The following MEGF9 variants were observed in gnomAD, a reference collection of about 807,000 sequenced individuals.
MEGF9 encodes the protein multiple EGF like domains 9, also known as multiple epidermal growth factor-like domains protein 9.
MEGF9 carries 6 observed loss-of-function variants against 46.8 expected under a neutral mutation model. That is an observed-to-expected ratio of 0.13 (90% CI 0.07 to 0.25). The LOEUF (loss-of-function observed/expected upper bound fraction) is 0.25. MEGF9 is among the 10% of genes least tolerant of loss of function. The pLI is 1.00. For missense variants in MEGF9, 683 were observed against 792.4 expected (o/e 0.86, Z 1.66); for synonymous variants, 302 against 330.7 (o/e 0.91, Z 0.94).
At chr9:120,616,456 G>C (rs2043473093) in intron 3 of MEGF9, among the ~76,000 whole-genome samples, 1 of 151,960 alleles carries the variant, frequency 6.6e-6, no homozygotes, top group South Asian at 2.1e-4. Flanking sequence ...GAGGCGGTCG[G>C]ATCACGAGGT....
chr9:120,707,552 T>A (rs1278728018), intron 1 of MEGF9, among the ~76,000 whole-genome samples: 1 of 152,012 alleles, frequency 6.6e-6, no homozygotes, highest in Admixed American at 6.6e-5. Flanking sequence ...AACCCAGAGG[T>A]TTTAGATAAA....
At chr9:120,637,477 T>A (rs2043582972) in intron 2 of MEGF9, among the ~76,000 whole-genome samples, 1 of 149,564 alleles carries the variant, frequency 6.7e-6, no homozygotes, top group South Asian at 2.1e-4. Flanking sequence ...ATAAAGTATG[T>A]ATTCTGCTTT....
At chr9:120,673,653 TA>T (rs2043759877) in intron 1 of MEGF9, among the ~76,000 whole-genome samples, 3 of 151,550 alleles carry the variant, frequency 2.0e-5, no homozygotes, top group African/African-American at 7.3e-5. Flanking sequence ...AAACTTGACA[TA>T]AACCACACCT....
At chr9:120,704,333 C>CAAA (rs200388073) in intron 1 of MEGF9, among the ~76,000 whole-genome samples, 1 of 122,548 alleles carries the variant, frequency 8.2e-6, no homozygotes, top group Non-Finnish European at 1.8e-5. Flanking sequence ...GACTGTGTCT[C>CAAA]AAAAAAAAAA....
intron 1 of MEGF9, among the ~76,000 whole-genome samples, chr9:120,698,364 A>G (rs1293208120): frequency 2.6e-5 from 4 of 152,172 alleles, no homozygotes; most frequent in Admixed American, 2.6e-4. Flanking sequence ...AATGTCTTCT[A>G]TTTAGTCCAG....
intron 1 of MEGF9, among the ~76,000 whole-genome samples, chr9:120,679,697 G>A (rs1204048471): frequency 6.6e-6 from 1 of 151,994 alleles, no homozygotes; most frequent in East Asian, 1.9e-4. Context: ...CAGCACTATG[G>A]GAGGCTGATG....
At chr9:120,667,939 C>T (rs533142057) in intron 1 of MEGF9, among the ~76,000 whole-genome samples, 33 of 152,272 alleles carry the variant, frequency 2.2e-4, no homozygotes, top group Non-Finnish European at 2.9e-5. Context: ...GCAGGAGAAT[C>T]GCTTAAACCT....
chr9:120,652,142 GCACACACACACA>G lies in MEGF9; in HGVS notation c.803+7220_803+7231del, dbSNP rs869130385. Among the ~76,000 whole-genome samples the G allele has an allele frequency of 2.8e-3, 73 of 26,120 alleles. 2 individuals carry two copies. The highest frequency in any genetic ancestry group is 9.7e-3 in the African/African-American group (72 of 7,450). 17.1% of individuals were successfully genotyped at this position (26,120 alleles called of 152,430 possible). On this transcript the variant is annotated intron_variant, in intron 2 of 5. Transcript: ENST00000373930. ...TTCCTCAGTTAAAACAAACAAACAA[GCACACACACACA>G]CACACACACACACACACACACACAC...
intron 3 of MEGF9, among the ~76,000 whole-genome samples, chr9:120,616,308 T>C (rs2043472322): frequency 2.0e-5 from 3 of 152,098 alleles, no homozygotes; most frequent in African/African-American, 7.2e-5. Flanking sequence ...TTAAAACCTA[T>C]ATACGGTAGA....
chr9:120,658,769 A>G (rs2043688811), intron 2 of MEGF9, among the ~76,000 whole-genome samples: 1 of 152,252 alleles, frequency 6.6e-6, no homozygotes, highest in Non-Finnish European at 1.5e-5. Flanking sequence ...AAATGCTTAG[A>G]TAACAGTACA....
intron 1 of MEGF9, among the ~76,000 whole-genome samples, chr9:120,689,399 T>C (rs929425341): frequency 1.3e-5 from 2 of 152,110 alleles, no homozygotes; most frequent in African/African-American, 2.4e-5. Context: ...AGGACTTTCC[T>C]AAGAGCAACT....
chr9:120,681,129 G>C (rs1007455757), intron 1 of MEGF9, among the ~76,000 whole-genome samples: 4 of 151,872 alleles, frequency 2.6e-5, no homozygotes, highest in African/African-American at 7.3e-5. Flanking sequence ...CCACAGCTGG[G>C]AATGTGCTGG....
chr9:120,622,847 T>A, intron 2 of MEGF9, 92 bp from the exon 3 acceptor site: 1 of 1,315,718 alleles, frequency 7.6e-7, no homozygotes, highest in Non-Finnish European at 1.1e-6. Flanking sequence ...GCCCAGCTCA[T>A]GTAAATCATA....
At chr9:120,692,466 C>A (rs1418937322) in intron 1 of MEGF9, among the ~76,000 whole-genome samples, 1 of 152,176 alleles carries the variant, frequency 6.6e-6, no homozygotes, top group Non-Finnish European at 1.5e-5. Flanking sequence ...TAATTATCTT[C>A]TCTGATGATC....
At chr9:120,664,708 T>C (rs2043717406) in intron 1 of MEGF9, among the ~76,000 whole-genome samples, 1 of 152,102 alleles carries the variant, frequency 6.6e-6, no homozygotes, top group Admixed American at 6.5e-5. Context: ...CACTTAAGCA[T>C]AGATTACTAG....
At chr9:120,634,384 G>GT (rs1012915796) in intron 2 of MEGF9, among the ~76,000 whole-genome samples, 25 of 122,878 alleles carry the variant, frequency 2.0e-4, no homozygotes, top group Non-Finnish European at 3.8e-4. Flanking sequence ...CTTAAAGTTT[G>GT]TTTTATCTGA....
chr9:120,652,686 T>C (rs1347736728), intron 2 of MEGF9, among the ~76,000 whole-genome samples: 6 of 151,958 alleles, frequency 3.9e-5, no homozygotes, highest in East Asian at 1.9e-4. Context: ...ATAATAGTCA[T>C]ATATATTTAT....
At chr9:120,671,365 C>T (rs2043748312) in intron 1 of MEGF9, among the ~76,000 whole-genome samples, 1 of 152,204 alleles carries the variant, frequency 6.6e-6, no homozygotes, top group Admixed American at 6.5e-5. Context: ...TCTACCAATA[C>T]AGCCAGAGTA....
At chr9:120,626,244 T>C (rs1337647019) in intron 2 of MEGF9, among the ~76,000 whole-genome samples, 1 of 152,088 alleles carries the variant, frequency 6.6e-6, no homozygotes, top group Non-Finnish European at 1.5e-5. Context: ...AAAAATTATA[T>C]CAGAAAAAAA....
Sources: gnomAD v4.1 joint callset for allele counts (sites outside exome capture counted in the v4.1 genomes callset) on GRCh38, gnomAD v4.1.1 for gene constraint, MANE v1.5 for transcripts, NCBI Gene and HGNC (gene_info 2026-07-23, HGNC 2026-07-21) for gene names.